Variants in TNFAIP8L3 observed in about 807,000 individuals in gnomAD.
TNFAIP8L3 encodes the protein TNF alpha induced protein 8 like 3.
Under a neutral mutation model 11.8 loss-of-function variants are expected in TNFAIP8L3, and 7 were observed. The observed-to-expected ratio is 0.59, with a 90% confidence interval of 0.34 to 1.11. The LOEUF (loss-of-function observed/expected upper bound fraction) is 1.11, where lower values mean the gene tolerates loss of function less well. Ranked by LOEUF, TNFAIP8L3 falls within the 50% of genes most tolerant of loss-of-function variation. The pLI, the probability that TNFAIP8L3 is intolerant of heterozygous loss-of-function variation, is 0.03. For missense variants in TNFAIP8L3, 219 were observed against 258.6 expected (o/e 0.85, Z 1.05); for synonymous variants, 98 against 103.8 (o/e 0.94, Z 0.34).
At chr15:51,105,273 A>T (rs2065582554) in exon 1 of TNFAIP8L3, 1 of 1,332,480 alleles carries the variant, frequency 7.5e-7, no homozygotes, top group African/African-American at 1.5e-5. Context: ...TAAGACTAGC[A>T]AGTCAGTTTT....
intron 1 of TNFAIP8L3, among the ~76,000 whole-genome samples, chr15:51,072,634 T>G (rs971154354): frequency 3.9e-5 from 6 of 152,190 alleles, no homozygotes; most frequent in Non-Finnish European, 7.3e-5. Context: ...ACATATTGCA[T>G]GAGGTTGGGA....
intron 1 of TNFAIP8L3, among the ~76,000 whole-genome samples, chr15:51,100,806 T>C (rs1247834306): frequency 6.6e-6 from 1 of 152,000 alleles, no homozygotes; most frequent in Non-Finnish European, 1.5e-5. Flanking sequence ...ATGGATGTCC[T>C]TAAATGTGTA....
At chr15:51,085,745 A>T (rs574174384) in intron 1 of TNFAIP8L3, among the ~76,000 whole-genome samples, 2 of 152,100 alleles carry the variant, frequency 1.3e-5, no homozygotes, top group Admixed American at 1.3e-4. Context: ...TCCCAGGTCA[A>T]CATTTCAGAA....
chr15:51,084,364 C>G (rs1041675386), intron 1 of TNFAIP8L3, among the ~76,000 whole-genome samples: 1 of 152,230 alleles, frequency 6.6e-6, no homozygotes, highest in Non-Finnish European at 1.5e-5. Flanking sequence ...GTGGAAATGT[C>G]ATTATGTATT....
intron 1 of TNFAIP8L3, among the ~76,000 whole-genome samples, chr15:51,068,107 G>A (rs953805145): frequency 2.0e-5 from 3 of 152,260 alleles, no homozygotes; most frequent in Admixed American, 6.5e-5. Context: ...TAAATGCCTC[G>A]TGTTTCTGAT....
At chr15:51,093,656 C>T (rs982329820) in intron 1 of TNFAIP8L3, among the ~76,000 whole-genome samples, 5 of 152,116 alleles carry the variant, frequency 3.3e-5, no homozygotes, top group Non-Finnish European at 4.4e-5. Context: ...ACCTTCAGAG[C>T]TGCACAAGCG....
chr15:51,058,076 C>G lies in TNFAIP8L3; in HGVS notation c.420G>C (p.Glu140Asp), dbSNP rs772926818. 1.9e-6 allele frequency: 3 copies of G among 1,613,988 alleles called. No homozygotes were observed. Among genetic ancestry groups the G allele is most frequent in the African/African-American group, 2.7e-5 (2 of 74,940 alleles). Residue 140 changes from glutamate to aspartate, a missense_variant, in exon 2 of 2, where the codon GAG (glutamate) becomes GAC (aspartate). By Grantham distance (45) the Glu-to-Asp change is conservative. Coordinates refer to ENST00000637513, the MANE Select transcript of TNFAIP8L3 (RefSeq NM_001311175.2). ...DRNVLSNLLHECKDLVHELVQ... is the reference protein window; with the variant it reads ...DRNVLSNLLHDCKDLVHELVQ... The stretch of plus-strand genomic sequence containing the variant: ...CCAGTTCATGCACCAGGTCCTTGCA[C>G]TCATGCAGGAGATTGGAGAGCACGT...
chr15:51,078,115 G>C (rs1216622175), intron 1 of TNFAIP8L3, among the ~76,000 whole-genome samples: 3 of 152,130 alleles, frequency 2.0e-5, no homozygotes, highest in Non-Finnish European at 2.9e-5. Flanking sequence ...GGCAGCCCCG[G>C]AAGAGGCCTG....
chr15:51,087,651 T>C (rs2065439187), intron 1 of TNFAIP8L3, among the ~76,000 whole-genome samples: 2 of 152,024 alleles, frequency 1.3e-5, no homozygotes, highest in Admixed American at 1.3e-4. Flanking sequence ...AAGTGTCTCC[T>C]TTTTTTCCCA....
rs202239130 is a variant in TNFAIP8L3 at position 51,058,150 on chromosome 15, C to A, written c.346G>T (p.Ala116Ser). The A allele has an allele frequency of 2.5e-6, 4 of 1,614,098 alleles. No individual in the cohort carries two copies. Among genetic ancestry groups the A allele is most frequent in the Non-Finnish European group, 3.4e-6 (4 of 1,180,046 alleles). Residue 116 changes from alanine to serine, a missense_variant, in exon 2 of 2, where the codon GCC (alanine) becomes TCC (serine). By Grantham distance (99) the Ala-to-Ser change is moderately conservative (BLOSUM62 1). Coordinates refer to ENST00000637513, the MANE Select transcript of TNFAIP8L3 (RefSeq NM_001311175.2). ...TCATAGAAGCTGACAATGGTCATGGCGGTCTGGTTCAGCTTCTTCCGGAAC... is the reference window on the plus strand; with the variant it reads ...TCATAGAAGCTGACAATGGTCATGGAGGTCTGGTTCAGCTTCTTCCGGAAC... ...EKFRKKLNQTAMTIVSFYEVE... is the reference protein window; with the variant it reads ...EKFRKKLNQTSMTIVSFYEVE...
Position 51,057,761 on chromosome 15 carries a change from G to A in TNFAIP8L3, c.*120C>T. On this transcript the variant is annotated 3_prime_UTR_variant, in exon 2 of 2. Coordinates refer to ENST00000637513, the MANE Select transcript of TNFAIP8L3 (RefSeq NM_001311175.2). ...GCATCAGAATCAGCATCAGAGGGAT[G>A]AACAGGAAAGAACATGGACATCTTT... 1 of 856,130 alleles carries A rather than the reference G, an allele frequency of 1.2e-6. No individual in the cohort carries two copies. The highest frequency in any genetic ancestry group is 1.8e-6 in the Non-Finnish European group (1 of 560,680). The allele number at this position is 856,130 out of a possible 1,614,324, so 53.0% of individuals were successfully genotyped here. A position where few individuals can be genotyped will look rare whatever the true frequency, so the allele number is the denominator to read the frequency against.
chr15:51,093,946 C>T (rs1454408360), intron 1 of TNFAIP8L3, among the ~76,000 whole-genome samples: 2 of 152,088 alleles, frequency 1.3e-5, no homozygotes, highest in South Asian at 2.1e-4. Context: ...CGCGCCCCTG[C>T]GTCTGTGTTC....
At chr15:51,063,447 G>A (rs964994415) in intron 1 of TNFAIP8L3, among the ~76,000 whole-genome samples, 6 of 152,160 alleles carry the variant, frequency 3.9e-5, no homozygotes, top group East Asian at 1.9e-4. Context: ...TATGAAGAAC[G>A]AGAAGTAACG....
At chr15:51,070,411 T>C (rs1216205078) in intron 1 of TNFAIP8L3, among the ~76,000 whole-genome samples, 1 of 152,240 alleles carries the variant, frequency 6.6e-6, no homozygotes, top group Non-Finnish European at 1.5e-5. Context: ...ATAATAATAA[T>C]AAAGTGCTTG....
chr15:51,085,208 TA>T (rs1174282727), intron 1 of TNFAIP8L3, among the ~76,000 whole-genome samples: 1 of 152,002 alleles, frequency 6.6e-6, no homozygotes, highest in Non-Finnish European at 1.5e-5. Context: ...AAAATCAATC[TA>T]AAGAAAGATA....
At chr15:51,095,081 G>A (rs2065503423), upstream of TNFAIP8L3, among the ~76,000 whole-genome samples, 1 of 152,136 alleles carries the variant, frequency 6.6e-6, no homozygotes, top group Non-Finnish European at 1.5e-5. Flanking sequence ...AGGTGAAAAA[G>A]AGCTTCAACT....
chr15:51,087,003 C>T (rs1266236126), intron 1 of TNFAIP8L3, among the ~76,000 whole-genome samples: 2 of 152,072 alleles, frequency 1.3e-5, no homozygotes, highest in African/African-American at 4.8e-5. Context: ...ATTCTCCTGC[C>T]TCAGCCTCCC....
chr15:51,103,108 C>T (rs1272228793), intron 1 of TNFAIP8L3, among the ~76,000 whole-genome samples: 1 of 152,148 alleles, frequency 6.6e-6, no homozygotes, highest in African/African-American at 2.4e-5. Flanking sequence ...ATTTTCTTTC[C>T]CGCCAAGTCT....
rs184577278 is a variant in TNFAIP8L3 at position 51,061,933 on chromosome 15, C to T, written c.53-3490G>A. ...ATCATCATTGGCAATGTGAATTTCACATCAACTCTTTGTTTGCCAGGAGGT... is the reference window on the plus strand; with the variant it reads ...ATCATCATTGGCAATGTGAATTTCATATCAACTCTTTGTTTGCCAGGAGGT... On this transcript the variant is annotated intron_variant, in intron 1 of 1. Coordinates refer to ENST00000637513, the MANE Select transcript of TNFAIP8L3 (RefSeq NM_001311175.2). Among the ~76,000 whole-genome samples, 3 of 152,232 alleles carry T rather than the reference C, an allele frequency of 2.0e-5. No individual in the cohort carries two copies. The East Asian group carries it at 5.8e-4, about 29-fold the overall frequency.
Sources: gnomAD v4.1 joint callset for allele counts (sites outside exome capture counted in the v4.1 genomes callset) on GRCh38, gnomAD v4.1.1 for gene constraint, MANE v1.5 for transcripts, NCBI Gene and HGNC (gene_info 2026-07-23, HGNC 2026-07-21) for gene names.